Variants in STRADA observed in about 807,000 individuals in gnomAD.
STRADA encodes STE20-related kinase adapter protein alpha.
In STRADA, 26 loss-of-function variants were observed where a neutral mutation model predicts 55.0. That is an observed-to-expected ratio of 0.47 (90% CI 0.35 to 0.66). The LOEUF is 0.66. Among genes scored for constraint, STRADA ranks in the 30% least tolerant of loss-of-function variants. The pLI is 0.01. For synonymous variants in STRADA, 197 were observed against 210.9 expected (o/e 0.93, Z 0.57); for missense variants, 443 against 549.7 (o/e 0.81, Z 1.94).
rs568606349 is a variant in STRADA at position 63,703,631 on chromosome 17, C to T, written c.1264G>A (p.Glu422Lys). The part of the protein sequence containing the change: ...SGIFGLVTNL[E>K]ELEVDDWEF ...TCCCAATCGTCCACCTCCAGCTCTTCCAGGTTTGTTACCAGGCCAAAGATT... is the reference window on the plus strand; with the variant it reads ...TCCCAATCGTCCACCTCCAGCTCTTTCAGGTTTGTTACCAGGCCAAAGATT... Residue 422 changes from glutamate to lysine, a missense_variant, in exon 13 of 13, where the codon GAA becomes AAA. Glu to Lys is a moderately conservative substitution (Grantham distance 56). Transcript: ENST00000336174. 2.4e-5 allele frequency: 38 copies of T among 1,614,184 alleles called. No homozygotes were observed. The East Asian group carries it at 7.1e-4, about 30-fold the overall frequency.
At chr17:63,703,958 TTAGAACCAGAAC>T (rs766354397) in intron 12 of STRADA, 35 bp downstream of exon 12, 8 of 1,590,058 alleles carry the variant, frequency 5.0e-6, no homozygotes, top group Middle Eastern at 3.3e-4. Context: ...TTGTGAGTTG[TTAGAACCAGAAC>T]TAGAACCAGA....
chr17:63,720,155 T>A (rs11649912), intron 4 of STRADA, among the ~76,000 whole-genome samples: 104,581 of 150,604 alleles, frequency 0.69, 37,567 homozygotes, highest in African/African-American at 0.9. Context: ...CCCAGGTATA[T>A]GCCACCATGC....
chr17:63,735,247 A>T (rs1039774298), intron 1 of STRADA, among the ~76,000 whole-genome samples: 2 of 152,258 alleles, frequency 1.3e-5, no homozygotes, highest in Non-Finnish European at 2.9e-5. Flanking sequence ...AAGGCTCATT[A>T]AGAGTAACCT....
chr17:63,731,922 T>C (rs1192545665), intron 1 of STRADA, among the ~76,000 whole-genome samples: 1 of 152,216 alleles, frequency 6.6e-6, no homozygotes, highest in Non-Finnish European at 1.5e-5. Context: ...TAGAGTGCAG[T>C]GGCACAATCT....
Position 63,707,276 on chromosome 17 carries a change from G to A in STRADA, c.724C>T (p.Pro242Ser). 1.2e-6 allele frequency: 2 copies of A among 1,614,176 alleles called. No homozygotes were observed. The highest frequency in any genetic ancestry group is 1.7e-6 in the Non-Finnish European group (2 of 1,180,026). ...DFPKYSVKVL[P>S]WLSPEVLQQN... Reference sequence around the variant, plus strand: ...TGGAGGACCTCGGGGCTGAGCCACGGCAGAACCTTGACACTGTACTTGGGA... The same window carrying A: ...TGGAGGACCTCGGGGCTGAGCCACGACAGAACCTTGACACTGTACTTGGGA... The change falls in exon 9 of 13, where the codon CCG becomes TCG. Residue 242 changes from proline to serine, a missense_variant. Coordinates refer to ENST00000336174, the MANE Select transcript of STRADA (RefSeq NM_001003787.4).
Position 63,710,510 on chromosome 17 carries a change from G to A in STRADA, c.562C>T (p.His188Tyr). 6.2e-7 allele frequency: 1 copy of A among 1,613,812 alleles called. No homozygotes were observed. The highest frequency in any genetic ancestry group is 8.5e-7 in the Non-Finnish European group (1 of 1,179,862). Residue 188 changes from histidine (H) to tyrosine (Y), a missense_variant, in exon 8 of 13, where the codon CAC becomes TAC. Transcript: ENST00000336174. Reference protein sequence around the residue: ...GVLKALDYIHHMGYVHRSVKA... With the variant: ...GVLKALDYIHYMGYVHRSVKA... The stretch of plus-strand genomic sequence containing the variant: ...ACGCACCTGTGTACATATCCCATGT[G>A]GTGGATGTAGTCGAGGGCCTTCAGC...
At chr17:63,712,899 G>A (rs1006566544) in intron 6 of STRADA, among the ~76,000 whole-genome samples, 31 of 151,792 alleles carry the variant, frequency 2.0e-4, no homozygotes, top group African/African-American at 7.3e-4. Flanking sequence ...TACTCGGGAG[G>A]CTAAGGCAGG....
At chr17:63,713,673 A>G in intron 5 of STRADA, 146 bp from the exon 6 acceptor site, 1 of 1,078,530 alleles carries the variant, frequency 9.3e-7, no homozygotes, top group Non-Finnish European at 1.3e-6. Flanking sequence ...TCCTTTTCCC[A>G]GCAGAATTTA....
At chr17:63,706,815 G>A in intron 9 of STRADA, 76 bp from the exon 10 acceptor site, 2 of 1,152,876 alleles carry the variant, frequency 1.7e-6, no homozygotes, top group Non-Finnish European at 2.6e-6. Flanking sequence ...CTAAAGAGAG[G>A]AAAAGGATGG....
intron 2 of STRADA, chr17:63,727,088 T>C (rs2037712151): frequency 1.0e-5 from 2 of 197,188 alleles, no homozygotes; most frequent in Admixed American, 1.2e-4. Flanking sequence ...ACAGTAGTTA[T>C]TCACAAGACC....
intron 4 of STRADA, chr17:63,715,309 T>A (rs2036787889): frequency 6.6e-6 from 1 of 152,176 alleles, no homozygotes; most frequent in Non-Finnish European, 1.5e-5. Flanking sequence ...CACTTTTCAC[T>A]AACAAAAACG....
chr17:63,712,234 T>TG (rs2036548237), intron 6 of STRADA, among the ~76,000 whole-genome samples: 1 of 152,154 alleles, frequency 6.6e-6, no homozygotes, highest in Non-Finnish European at 1.5e-5. Context: ...TGTTTTGTTT[T>TG]ATTTTTTGAG....
At chr17:63,738,002 G>T (rs1487312721) in intron 1 of STRADA, among the ~76,000 whole-genome samples, 1 of 150,430 alleles carries the variant, frequency 6.6e-6, no homozygotes, top group Non-Finnish European at 1.5e-5. Flanking sequence ...AAAGAAAAGA[G>T]AAGAGAAAAG....
chr17:63,704,294 A>T (rs1172981607), intron 11 of STRADA, 47 bp downstream of exon 11: 8 of 1,605,566 alleles, frequency 5.0e-6, no homozygotes, highest in Non-Finnish European at 8.5e-7. Flanking sequence ...TACCCTCCTG[A>T]GCACCCTCTG....
chr17:63,707,178 G>A (rs1434406102), intron 9 of STRADA, 69 bp downstream of exon 9: 2 of 1,587,892 alleles, frequency 1.3e-6, no homozygotes, highest in Non-Finnish European at 1.7e-6. Flanking sequence ...CCGACTCCAG[G>A]CAATGCCTGA....
intron 4 of STRADA, chr17:63,714,658 CT>C (rs2036733253): frequency 5.4e-6 from 1 of 186,682 alleles, no homozygotes; most frequent in African/African-American, 2.4e-5. Context: ...TGGGAGAACC[CT>C]GATGCCCTGA....
chr17:63,717,369 GT>G (rs1400309089), intron 4 of STRADA, among the ~76,000 whole-genome samples: 1 of 151,726 alleles, frequency 6.6e-6, no homozygotes, highest in Non-Finnish European at 1.5e-5. Flanking sequence ...GTGCAATGGC[GT>G]GATCTCAGCT....
chr17:63,716,649 G>T (rs1465416759), intron 4 of STRADA, among the ~76,000 whole-genome samples: 1 of 152,034 alleles, frequency 6.6e-6, no homozygotes, highest in Non-Finnish European at 1.5e-5. Context: ...CTGCCAGTTG[G>T]ATGGAAAAAG....
rs748443631 is a variant in STRADA at position 63,710,731 on chromosome 17, A to G, written c.454T>C (p.Tyr152His). Residue 152 changes from tyrosine to histidine, a missense_variant, in exon 7 of 13, where the codon TAC becomes CAC. By Grantham distance (83) the Tyr-to-His change is moderately conservative. Coordinates refer to ENST00000336174, the MANE Select transcript of STRADA (RefSeq NM_001003787.4). The part of the protein sequence containing the change: ...ELWVVTSFMA[Y>H]GSAKDLICTH... ...CCAAGAACCCTTTCCCACTCACCGT[A>G]TGCCATGAATGATGTGACAACCCAC... 5 of 1,614,180 alleles carry G rather than the reference A, an allele frequency of 3.1e-6. No homozygotes were observed. The Admixed American group carries it at 8.3e-5, about 27-fold the overall frequency.
Sources: allele counts gnomAD v4.1 joint callset (sites outside exome capture counted in the v4.1 genomes callset), GRCh38; gene constraint gnomAD v4.1.1; transcripts MANE v1.5; gene names NCBI Gene and HGNC (gene_info 2026-07-23, HGNC 2026-07-21).